AKAP9: variants seen among roughly 807,000 people sequenced by gnomAD.
AKAP9 encodes A-kinase anchor protein 9.
A neutral mutation model predicts 488.5 loss-of-function variants in AKAP9; 311 were observed. That is an observed-to-expected ratio of 0.64 (90% CI 0.58 to 0.70). The LOEUF is 0.70. Among genes scored for constraint, AKAP9 ranks in the 30% least tolerant of loss-of-function variants. The pLI is 0.00. For synonymous variants in AKAP9, 1,462 were observed against 1,483.5 expected (o/e 0.99, Z 0.33); for missense variants, 4,215 against 4,374.5 (o/e 0.96, Z 1.03).
intron 22 of AKAP9, among the ~76,000 whole-genome samples, chr7:92,056,067 A>G (rs1289335186): frequency 8.2e-6 from 1 of 121,988 alleles, no homozygotes; most frequent in Non-Finnish European, 1.8e-5. Context: ...CTTTCTGAAC[A>G]TGAATTAATA....
intron 7 of AKAP9, 62 bp from the exon 8 acceptor site, chr7:92,000,786 A>T: frequency 1.2e-6 from 1 of 830,314 alleles, no homozygotes; most frequent in Non-Finnish European, 1.9e-6. Flanking sequence ...AATGAGATGA[A>T]GCAGTATAAT....
At chr7:92,015,988 A>G (rs181981548) in intron 10 of AKAP9, 141 bp from the exon 11 acceptor site, 83 of 564,400 alleles carry the variant, frequency 1.5e-4, no homozygotes, top group Admixed American at 1.3e-3. Flanking sequence ...TTGCAGATTG[A>G]TAAGGGTATG....
At chr7:92,080,206 T>C (rs898719379) in intron 31 of AKAP9, 54 bp downstream of exon 31, 58 of 1,330,952 alleles carry the variant, frequency 4.4e-5, no homozygotes, top group Non-Finnish European at 5.9e-5. Context: ...ACTAAGCTGA[T>C]TGCTAATTTA....
chr7:92,085,588 G>A lies in AKAP9; in HGVS notation c.8926G>A (p.Val2976Ile). 6.2e-7 allele frequency: 1 copy of A among 1,613,702 alleles called. No homozygotes were observed. Among genetic ancestry groups the A allele is most frequent in the Non-Finnish European group, 8.5e-7 (1 of 1,179,776 alleles). Residue 2976 changes from valine (V) to isoleucine (I), a missense_variant, in exon 36 of 50, where the codon GTT (valine) becomes ATT (isoleucine). This residue lies in a region of AKAP9 where 1,476 missense variants were observed against 1,477.4 expected (regional missense o/e 1.00). Coordinates refer to ENST00000356239, the MANE Select transcript of AKAP9 (RefSeq NM_005751.5). ...SDGEDHSIQQ[V>I]SEPWLEERKA... ...TGGAGAGGACCATTCTATTCAGCAG[G>A]TTTCAGAACCTTGGCTAGAAGAGAG...
intron 2 of AKAP9, among the ~76,000 whole-genome samples, chr7:91,979,523 A>G (rs1237506768): frequency 6.6e-6 from 1 of 152,216 alleles, no homozygotes; most frequent in Non-Finnish European, 1.5e-5. Context: ...TATCAAGAGT[A>G]TAGTCCAACA....
At chr7:92,060,242 A>G (rs1395470205) in intron 22 of AKAP9, among the ~76,000 whole-genome samples, 6 of 152,130 alleles carry the variant, frequency 3.9e-5, no homozygotes, top group African/African-American at 1.4e-4. Context: ...ACTACATTTG[A>G]TCATATTTTA....
rs567387392 is a variant in AKAP9, at chr7:92,012,389, A to C, written c.3319-40A>C. 1.2e-4 allele frequency: 185 copies of C among 1,535,340 alleles called. 2 individuals are homozygous for C. In the South Asian group the frequency reaches 2.1e-3, roughly 17 times the overall value. The stretch of plus-strand genomic sequence containing the variant: ...AAGAAGTTAAATTATTTGATTTGTC[A>C]TTTAAGAATATTATAATGTTTACAT... On this transcript the variant is annotated intron_variant, in intron 8 of 49. Transcript: ENST00000356239.
At chr7:92,059,496 T>G (rs1453867790) in intron 22 of AKAP9, among the ~76,000 whole-genome samples, 1 of 151,858 alleles carries the variant, frequency 6.6e-6, no homozygotes, top group Non-Finnish European at 1.5e-5. Flanking sequence ...TGATAAATAT[T>G]TAAATGGATT....
At chr7:92,101,218 C>T (rs532469589) in intron 45 of AKAP9, among the ~76,000 whole-genome samples, 162 bp downstream of exon 45, 30 of 152,140 alleles carry the variant, frequency 2.0e-4, no homozygotes, top group Admixed American at 9.8e-4. Flanking sequence ...GGGCAGATCA[C>T]GAGGTCAGGA....
chr7:92,062,831 A>G (rs1810120075), intron 24 of AKAP9, among the ~76,000 whole-genome samples: 1 of 152,168 alleles, frequency 6.6e-6, no homozygotes, highest in Non-Finnish European at 1.5e-5. Context: ...AAAAATGTAT[A>G]CTTGGATTAA....
At position 92,038,723 on chromosome 7, in the gene AKAP9, T is replaced by C; in HGVS notation, c.4643T>C (p.Ile1548Thr). ...IPESKDCVLT[I>T]SEEMFSKDKT... The stretch of plus-strand genomic sequence containing the variant: ...GAATCAAAGGACTGTGTGCTGACTA[T>C]TTCAGAAGAAATGTTCTCCAAAGAT... Residue 1548 changes from isoleucine (I) to threonine (T), a missense_variant, in exon 17 of 50, where the codon ATT becomes ACT. Ile to Thr is a moderately conservative substitution (Grantham distance 89, BLOSUM62 -1). This residue lies in a region of AKAP9 where 2,361 missense variants were observed against 2,430.0 expected (regional missense o/e 0.97). Coordinates refer to ENST00000356239, the MANE Select transcript of AKAP9 (RefSeq NM_005751.5). The C allele has an allele frequency of 6.2e-7, 1 of 1,607,222 alleles. No homozygotes were observed. Among genetic ancestry groups the C allele is most frequent in the Non-Finnish European group, 8.5e-7 (1 of 1,177,984 alleles).
chr7:92,084,958 C>T lies in AKAP9; in HGVS notation c.8832+18C>T, dbSNP rs771801677. The T allele has an allele frequency of 2.5e-6, 4 of 1,610,410 alleles. No individual in the cohort carries two copies. Among genetic ancestry groups the T allele is most frequent in the Non-Finnish European group, 3.4e-6 (4 of 1,177,978 alleles). On this transcript the variant is annotated intron_variant, in intron 35 of 49. Coordinates refer to ENST00000356239, the MANE Select transcript of AKAP9 (RefSeq NM_005751.5). The stretch of plus-strand genomic sequence containing the variant: ...AAATAAAGGTACTAAAAGATAGATA[C>T]CTTTTATTAACTCAGCCAGTGTTGT...
At chr7:92,027,079 CTT>C (rs1469413035) in intron 14 of AKAP9, among the ~76,000 whole-genome samples, 1 of 128,682 alleles carries the variant, frequency 7.8e-6, no homozygotes, top group South Asian at 2.7e-4. Context: ...AGGTGAGGAG[CTT>C]CTCTGCCCGG....
At chr7:92,054,585 A>G (rs1391466035) in intron 22 of AKAP9, among the ~76,000 whole-genome samples, 1 of 152,034 alleles carries the variant, frequency 6.6e-6, no homozygotes, top group Non-Finnish European at 1.5e-5. Flanking sequence ...AAATTTTTGA[A>G]TATCAGGGCA....
chr7:92,100,862 AG>A lies in AKAP9; in HGVS notation c.10905del (p.Arg3635SerfsTer4). 1 of 1,614,204 alleles carries A rather than the reference AG, an allele frequency of 6.2e-7. No individual in the cohort carries two copies. Among genetic ancestry groups the A allele is most frequent in the Non-Finnish European group, 8.5e-7 (1 of 1,180,020 alleles). On this transcript the variant is annotated frameshift_variant, in exon 45 of 50. Transcript: ENST00000356239. LOFTEE classifies it high-confidence loss of function. ...TAGGCTGTGGTCTTTGCAGTCTTCC[AG>A]GTTTTCATTGAATGGTGGTGCCAAC... The part of the protein sequence containing the change: ...QTGAGRDNSS[R>X]FSLNGGANIE...
chr7:91,952,516 T>G (rs1253098219), intron 1 of AKAP9, among the ~76,000 whole-genome samples: 1 of 152,132 alleles, frequency 6.6e-6, no homozygotes, highest in African/African-American at 2.4e-5. Context: ...AAACACTGAA[T>G]GAAGCCTTAA....
intron 19 of AKAP9, 65 bp downstream of exon 19, chr7:92,042,251 T>C: frequency 6.2e-7 from 1 of 1,603,630 alleles, no homozygotes; most frequent in Non-Finnish European, 8.5e-7. Context: ...TGTTTGTCTT[T>C]GTTGTTGGTA....
At chr7:92,015,642 G>A (rs533210734) in intron 10 of AKAP9, among the ~76,000 whole-genome samples, 3 of 152,128 alleles carry the variant, frequency 2.0e-5, no homozygotes, top group South Asian at 2.1e-4. Context: ...GGGATTACAG[G>A]CATGAGCCAC....
rs777561134 is a variant in AKAP9, at chr7:92,079,921, G to A, written c.7788G>A (p.Glu2596=). Residue 2596 remains glutamate, a synonymous_variant, in exon 31 of 50, where the codon GAG becomes GAA. Transcript: ENST00000356239. ...ATTTAAATCAACTAAGAGAAGATGA[G>A]TTGGGGTCAGATATATCAGCATTAA... ...IQNLNQLRED[E]LGSDISALTL... 10 of 1,613,510 alleles carry A rather than the reference G, an allele frequency of 6.2e-6. No homozygotes were observed. Among genetic ancestry groups the A allele is most frequent in the Non-Finnish European group, 8.5e-6 (10 of 1,179,788 alleles).
Sources: allele counts gnomAD v4.1 joint callset (sites outside exome capture counted in the v4.1 genomes callset), GRCh38; gene constraint gnomAD v4.1.1; regional missense constraint gnomAD v4.1.1; transcripts MANE v1.5; gene names NCBI Gene and HGNC (gene_info 2026-07-23, HGNC 2026-07-21).